Variants in NPLOC4 observed in about 807,000 individuals in gnomAD.
NPLOC4 encodes the protein nuclear protein localization protein 4 homolog.
NPLOC4 carries 18 observed loss-of-function variants against 80.6 expected under a neutral mutation model. The observed-to-expected ratio is 0.22, with a 90% CI of 0.15 to 0.33. The LOEUF (loss-of-function observed/expected upper bound fraction) is 0.33, where lower values mean the gene tolerates loss of function less well. NPLOC4 is among the 10% of genes least tolerant of loss of function. NPLOC4 has a pLI of 1.00. For synonymous variants in NPLOC4, 313 were observed against 301.5 expected (o/e 1.04, Z -0.39); for missense variants, 540 against 786.1 (o/e 0.69, Z 3.74).
Position 81,559,171 on chromosome 17 carries a change from G to C in NPLOC4, c.*88C>G, listed in dbSNP as rs553761278. The C allele has an allele frequency of 1.4e-6, 2 of 1,410,680 alleles. No individual in the cohort carries two copies. Among genetic ancestry groups the C allele is most frequent in the East Asian group, 2.5e-5 (1 of 39,680 alleles). The allele number at this position is 1,410,680 out of a possible 1,614,324, so 87.4% of individuals were successfully genotyped here. A position where few individuals can be genotyped will look rare whatever the true frequency, so the allele number is the denominator to read the frequency against. ...GTTCCTCCAGGGCTGCCCACTATGG[G>C]GCAGTTACAGGGAACACACTCAGCA... On this transcript the variant is annotated 3_prime_UTR_variant, in exon 17 of 17. Coordinates refer to ENST00000331134, the MANE Select transcript of NPLOC4 (RefSeq NM_017921.4).
chr17:81,583,043 G>A (rs1051251877), intron 12 of NPLOC4, among the ~76,000 whole-genome samples: 2 of 152,278 alleles, frequency 1.3e-5, no homozygotes, highest in Non-Finnish European at 2.9e-5. Context: ...CCACTGCCAC[G>A]TGACGCAGAG....
intron 3 of NPLOC4, among the ~76,000 whole-genome samples, chr17:81,621,537 C>G (rs911210816): frequency 2.0e-5 from 3 of 152,146 alleles, no homozygotes; most frequent in Non-Finnish European, 2.9e-5. Context: ...TGAGTAAGTG[C>G]CCAGATGGTT....
In NPLOC4 at chr17:81,610,257, A is replaced by G; in HGVS notation, c.388T>C (p.Cys130Arg). 1 of 1,570,928 alleles carries G rather than the reference A, an allele frequency of 6.4e-7. No homozygotes were observed. Among genetic ancestry groups the G allele is most frequent in the South Asian group, 1.2e-5 (1 of 85,012 alleles). The change falls in exon 5 of 17, where the codon TGC (cysteine) becomes CGC (arginine). Residue 130 changes from cysteine to arginine, a missense_variant and splice_region_variant. By Grantham distance (180) the Cys-to-Arg change is radical (BLOSUM62 -3). This residue lies in a region of NPLOC4 where 74 missense variants were observed against 75.7 expected (regional missense o/e 0.98). Transcript: ENST00000331134. The part of the protein sequence containing the change: ...KIYRSRDPQL[C>R]RHGPLGKCVH... Reference sequence around the variant, plus strand: ...CATTTCCCCAAAGGGCCGTGGCGGCATCTGAGGAGAGTACAAGGCAGAAAA... The same window carrying G: ...CATTTCCCCAAAGGGCCGTGGCGGCGTCTGAGGAGAGTACAAGGCAGAAAA...
At chr17:81,602,117 C>CA (rs1240042094) in intron 8 of NPLOC4, among the ~76,000 whole-genome samples, 9 of 151,540 alleles carry the variant, frequency 5.9e-5, no homozygotes, top group African/African-American at 1.7e-4. Flanking sequence ...ATGTCACATA[C>CA]AAAAAAAACA....
intron 13 of NPLOC4, among the ~76,000 whole-genome samples, chr17:81,571,008 T>G (rs1045078257): frequency 6.6e-6 from 1 of 152,154 alleles, no homozygotes; most frequent in South Asian, 2.1e-4. Context: ...AAATCATGCC[T>G]GCTCCTCCTG....
chr17:81,624,663 G>A (rs1024216164), intron 2 of NPLOC4, among the ~76,000 whole-genome samples: 4 of 152,148 alleles, frequency 2.6e-5, no homozygotes, highest in Non-Finnish European at 5.9e-5. Flanking sequence ...AAATGGGGGA[G>A]ACAAAGTCAA....
At chr17:81,603,041 C>T (rs11869779) in intron 8 of NPLOC4, among the ~76,000 whole-genome samples, 57,864 of 150,862 alleles carry the variant, frequency 0.38, 13,131 homozygotes, top group Non-Finnish European at 0.51. Flanking sequence ...TGGTGGTGCA[C>T]GCCTGTAGTC....
intron 3 of NPLOC4, among the ~76,000 whole-genome samples, chr17:81,619,176 C>T (rs1001221430): frequency 2.7e-5 from 4 of 148,104 alleles, no homozygotes; most frequent in South Asian, 2.1e-4. Context: ...TCCCCCTCTG[C>T]GAGAAACACC....
At chr17:81,622,005 C>G (rs1012138627) in intron 3 of NPLOC4, among the ~76,000 whole-genome samples, 161 bp downstream of exon 3, 4 of 152,196 alleles carry the variant, frequency 2.6e-5, no homozygotes, top group Admixed American at 6.5e-5. Flanking sequence ...AGGATAATTA[C>G]TGAATTCCTG....
intron 2 of NPLOC4, among the ~76,000 whole-genome samples, chr17:81,625,414 C>T (rs897614254): frequency 9.2e-5 from 14 of 152,052 alleles, no homozygotes; most frequent in African/African-American, 2.9e-4. Context: ...AGCTCTACAC[C>T]GAGGGGTCAT....
chr17:81,631,631 C>A (rs2035933698), intron 1 of NPLOC4, among the ~76,000 whole-genome samples: 1 of 151,902 alleles, frequency 6.6e-6, no homozygotes, highest in Non-Finnish European at 1.5e-5. Context: ...GATGACATGG[C>A]ATGCTCTGCA....
chr17:81,598,074 C>T (rs962316934), intron 9 of NPLOC4, among the ~76,000 whole-genome samples: 3 of 140,946 alleles, frequency 2.1e-5, no homozygotes, highest in Non-Finnish European at 4.5e-5. Context: ...CAGCCTGGCC[C>T]ACAGAGCAAG....
At chr17:81,578,743 A>G (rs1291783332) in intron 12 of NPLOC4, among the ~76,000 whole-genome samples, 1 of 152,180 alleles carries the variant, frequency 6.6e-6, no homozygotes, top group Non-Finnish European at 1.5e-5. Flanking sequence ...TGATTCAATT[A>G]TCTCCACCTC....
intron 11 of NPLOC4, among the ~76,000 whole-genome samples, chr17:81,589,744 T>A (rs2034685396): frequency 6.6e-6 from 1 of 151,414 alleles, no homozygotes; most frequent in South Asian, 2.1e-4. Flanking sequence ...ACGCCTGTAA[T>A]CTGAGCACTC....
At chr17:81,604,494 C>T in intron 8 of NPLOC4, 54 bp downstream of exon 8, 1 of 1,547,240 alleles carries the variant, frequency 6.5e-7, no homozygotes, top group Non-Finnish European at 8.8e-7. Flanking sequence ...GAAAGGGCGT[C>T]CCCCACAGCC....
intron 10 of NPLOC4, 103 bp from the exon 11 acceptor site, chr17:81,596,345 C>A: frequency 3.8e-6 from 5 of 1,332,468 alleles, no homozygotes; most frequent in Admixed American, 2.0e-5. Context: ...CAGTGACTCA[C>A]ACCTCTAATT....
chr17:81,600,256 C>A (rs2035028356), intron 9 of NPLOC4, 85 bp downstream of exon 9: 4 of 916,872 alleles, frequency 4.4e-6, no homozygotes, highest in Admixed American at 4.0e-5. Flanking sequence ...CCGACACAGC[C>A]CGGCCACTCT....
intron 1 of NPLOC4, among the ~76,000 whole-genome samples, chr17:81,631,653 C>T: frequency 6.6e-6 from 1 of 152,004 alleles, no homozygotes; most frequent in East Asian, 1.9e-4. Context: ...CAAACAAAGA[C>T]CTGCTCCAAC....
intron 10 of NPLOC4, among the ~76,000 whole-genome samples, chr17:81,596,753 G>T (rs1205072244): frequency 6.6e-6 from 1 of 152,180 alleles, no homozygotes; most frequent in Admixed American, 6.5e-5. Flanking sequence ...ATAAAGGTAA[G>T]ATGGGTTTAG....
Sources: gnomAD v4.1 joint callset for allele counts (sites outside exome capture counted in the v4.1 genomes callset) on GRCh38, gnomAD v4.1.1 for gene constraint, gnomAD v4.1.1 regional missense constraint, MANE v1.5 for transcripts, NCBI Gene and HGNC (gene_info 2026-07-23, HGNC 2026-07-21) for gene names.